Variants in ADAM9 observed in about 807,000 individuals in gnomAD.
ADAM9 encodes disintegrin and metalloproteinase domain-containing protein 9.
Under a neutral mutation model 108.1 loss-of-function variants are expected in ADAM9, and 54 were observed. The ratio of observed to expected loss-of-function variants is 0.50; its 90% CI spans 0.40 to 0.63. The LOEUF (loss-of-function observed/expected upper bound fraction) is 0.63, where lower values mean the gene tolerates loss of function less well. Among genes scored for constraint, ADAM9 ranks in the 20% least tolerant of loss-of-function variants. The pLI is 0.00. For synonymous variants in ADAM9, 316 were observed against 336.0 expected (o/e 0.94, Z 0.65); for missense variants, 830 against 997.7 (o/e 0.83, Z 2.26).
chr8:39,091,454 T>C (rs1839352191), intron 20 of ADAM9, 108 bp downstream of exon 20: 16 of 1,046,228 alleles, frequency 1.5e-5, no homozygotes, highest in Admixed American at 8.0e-5. Context: ...GATACCTTCT[T>C]AAGAATTCAA....
At chr8:39,090,642 G>C (rs910955542) in intron 19 of ADAM9, among the ~76,000 whole-genome samples, 8 of 152,138 alleles carry the variant, frequency 5.3e-5, no homozygotes, top group African/African-American at 1.9e-4. Context: ...GCTTATGTTG[G>C]TCAGCCTTTA....
At chr8:39,048,256 G>A (rs762570499) in intron 12 of ADAM9, among the ~76,000 whole-genome samples, 13 of 152,020 alleles carry the variant, frequency 8.6e-5, no homozygotes, top group Non-Finnish European at 1.8e-4. Flanking sequence ...TTTACATATT[G>A]TGTTTTTTGT....
chr8:39,098,335 T>A (rs1029803555), intron 20 of ADAM9, among the ~76,000 whole-genome samples: 1 of 152,252 alleles, frequency 6.6e-6, no homozygotes, highest in Non-Finnish European at 1.5e-5. Flanking sequence ...TAGCAAATTC[T>A]TAGCAATTAT....
intron 12 of ADAM9, among the ~76,000 whole-genome samples, chr8:39,051,972 G>A (rs998462213): frequency 2.0e-5 from 3 of 151,716 alleles, no homozygotes; most frequent in Non-Finnish European, 2.9e-5. Context: ...ATATACACAC[G>A]TCGTGTATAT....
intron 16 of ADAM9, among the ~76,000 whole-genome samples, chr8:39,081,708 A>AT (rs1839029563): frequency 6.6e-6 from 1 of 152,114 alleles, no homozygotes; most frequent in South Asian, 2.1e-4. Context: ...AAACCTGTGT[A>AT]TTTTTTAGAG....
chr8:39,091,294 A>T lies in ADAM9; in HGVS notation c.2246A>T (p.Gln749Leu). ...DGKNQANPSR[Q>L]PGSVPRHVSP... Reference sequence around the variant, plus strand: ...AAAAATCAAGCAAACCCTTCTAGACAGCCGGGGAGTGTTCCTCGACATGTT... The same window carrying T: ...AAAAATCAAGCAAACCCTTCTAGACTGCCGGGGAGTGTTCCTCGACATGTT... The change falls in exon 20 of 22, where the codon CAG becomes CTG. Residue 749 changes from glutamine to leucine, a missense_variant. Coordinates refer to ENST00000487273, the MANE Select transcript of ADAM9 (RefSeq NM_003816.3). 6.2e-7 allele frequency: 1 copy of T among 1,614,212 alleles called. No individual in the cohort carries two copies. Among genetic ancestry groups the T allele is most frequent in the East Asian group, 2.2e-5 (1 of 44,876 alleles).
Position 39,017,358 on chromosome 8 carries a change from A to G in ADAM9, c.550A>G (p.Lys184Glu), listed in dbSNP as rs1229773067. 7 of 1,614,152 alleles carry G rather than the reference A, an allele frequency of 4.3e-6. No homozygotes were observed. The South Asian group carries it at 7.7e-5, about 18-fold the overall frequency. ...KCGVSNKDIE[K>E]ETAKDEEEEP... ...TGGAGTTTCCAACAAGGATATAGAG[A>G]AAGAAACTGCAAAGGATGAAGAGGA... The change falls in exon 6 of 22, where the codon AAA becomes GAA. Residue 184 changes from lysine (K) to glutamate (E), a missense_variant. Coordinates refer to ENST00000487273, the MANE Select transcript of ADAM9 (RefSeq NM_003816.3).
intron 12 of ADAM9, among the ~76,000 whole-genome samples, chr8:39,045,098 GTGTGTGCATACATACA>G (rs1564297232): frequency 0.35 from 11,454 of 32,886 alleles, 2,565 homozygotes; most frequent in African/African-American, 0.49. Context: ...ATACATATGT[GTGTGTGCATACATACA>G]TATGTGTGTG....
At chr8:39,090,804 G>A (rs553535849) in intron 19 of ADAM9, among the ~76,000 whole-genome samples, 1 of 152,316 alleles carries the variant, frequency 6.6e-6, no homozygotes, top group South Asian at 2.1e-4. Flanking sequence ...CATAACTACA[G>A]CTATCTTTCA....
intron 14 of ADAM9, among the ~76,000 whole-genome samples, chr8:39,066,040 C>T (rs6993810): frequency 0.8 from 122,082 of 152,106 alleles, 49,277 homozygotes; most frequent in East Asian, 0.95. Flanking sequence ...CTGAGAATGA[C>T]GGTTTCCAGC....
At chr8:39,098,585 GTAGTTCTACT>G (rs1341524149) in intron 20 of ADAM9, among the ~76,000 whole-genome samples, 1 of 152,058 alleles carries the variant, frequency 6.6e-6, no homozygotes, top group Non-Finnish European at 1.5e-5. Flanking sequence ...TTTAATTCCT[GTAGTTCTACT>G]TAGTTCTATT....
In ADAM9 at chr8:39,055,762, C is replaced by T; in HGVS notation, c.1581C>T (p.Ile527=). 6.2e-7 allele frequency: 1 copy of T among 1,613,214 alleles called. No individual in the cohort carries two copies. Residue 527 remains isoleucine, a synonymous_variant, in exon 14 of 22, where the codon ATC becomes ATT. Coordinates refer to ENST00000487273, the MANE Select transcript of ADAM9 (RefSeq NM_003816.3). Reference sequence around the variant, plus strand: ...ATTATGATGCTCAATGTCAAGTCATCTTTGGCTCAAGTAAGATATCATCAT... The same window carrying T: ...ATTATGATGCTCAATGTCAAGTCATTTTTGGCTCAAGTAAGATATCATCAT... ...CQYYDAQCQV[I]FGSKAKAAPK...
At chr8:39,018,659 C>T in intron 6 of ADAM9, 194 bp from the exon 7 acceptor site, 1 of 616,324 alleles carries the variant, frequency 1.6e-6, no homozygotes, top group Non-Finnish European at 2.9e-6. Context: ...ATTAGCAGAA[C>T]TGGACAAAGT....
At chr8:39,028,256 C>G (rs73617989) in intron 11 of ADAM9, among the ~76,000 whole-genome samples, 273 of 152,090 alleles carry the variant, frequency 1.8e-3, no homozygotes, top group African/African-American at 6.2e-3. Context: ...CAATCACATG[C>G]TAGTATAAAG....
intron 12 of ADAM9, among the ~76,000 whole-genome samples, chr8:39,045,096 GTGTGTGTGCATACATA>G: frequency 6.5e-5 from 1 of 15,466 alleles, no homozygotes; most frequent in African/African-American, 3.1e-4. Context: ...ACATACATAT[GTGTGTGTGCATACATA>G]CATATGTGTG....
chr8:39,017,487 A>G, intron 6 of ADAM9, 73 bp downstream of exon 6: 1 of 1,475,532 alleles, frequency 6.8e-7, no homozygotes, highest in Non-Finnish European at 9.3e-7. Flanking sequence ...TCATGAAATC[A>G]ATACTATGAG....
chr8:39,094,131 T>C (rs930282701), intron 20 of ADAM9, among the ~76,000 whole-genome samples: 1 of 152,240 alleles, frequency 6.6e-6, no homozygotes, highest in African/African-American at 2.4e-5. Flanking sequence ...ATGTTGAAAT[T>C]TGTCAAATGC....
At chr8:39,092,355 C>CAA (rs1554587153) in intron 20 of ADAM9, among the ~76,000 whole-genome samples, 1 of 150,754 alleles carries the variant, frequency 6.6e-6, no homozygotes, top group Non-Finnish European at 1.5e-5. Flanking sequence ...CACACACACA[C>CAA]AATCTCCCTA....
chr8:39,103,785 T>G lies in ADAM9; in HGVS notation c.*85T>G. The G allele has an allele frequency of 7.5e-7, 1 of 1,331,626 alleles. No homozygotes were observed. The highest frequency in any genetic ancestry group is 1.1e-6 in the Non-Finnish European group (1 of 931,142). 82.5% of individuals were successfully genotyped at this position (1,331,626 alleles called of 1,614,324 possible). A position where few individuals can be genotyped will look rare whatever the true frequency, so the allele number is the denominator to read the frequency against. ...TCTTGATGTTTTCTTGAAAAGCCTTTCTGTTGCAACTATGAATGAAAACAA... is the reference window on the plus strand; with the variant it reads ...TCTTGATGTTTTCTTGAAAAGCCTTGCTGTTGCAACTATGAATGAAAACAA... On this transcript the variant is annotated 3_prime_UTR_variant, in exon 22 of 22. Transcript: ENST00000487273.
Sources: gnomAD v4.1 joint callset for allele counts (sites outside exome capture counted in the v4.1 genomes callset) on GRCh38, gnomAD v4.1.1 for gene constraint, MANE v1.5 for transcripts, NCBI Gene and HGNC (gene_info 2026-07-23, HGNC 2026-07-21) for gene names.